Variants in SLC30A8 observed in about 807,000 individuals in gnomAD.
SLC30A8 encodes the protein proton-coupled zinc antiporter SLC30A8.
SLC30A8 carries 27 observed loss-of-function variants against 36.9 expected under a neutral mutation model. The observed-to-expected ratio is 0.73, with a 90% confidence interval of 0.54 to 1.01. The LOEUF is 1.01. SLC30A8 is among the 50% of genes least tolerant of loss of function. The pLI is 0.00. For synonymous variants in SLC30A8, 164 were observed against 172.4 expected (o/e 0.95, Z 0.38); for missense variants, 439 against 452.0 (o/e 0.97, Z 0.26).
At chr8:116,979,259 A>G (rs1385884287) in intron 1 of SLC30A8, among the ~76,000 whole-genome samples, 3 of 151,648 alleles carry the variant, frequency 2.0e-5, no homozygotes, top group Non-Finnish European at 4.4e-5. Flanking sequence ...AAAAAAAAAA[A>G]AAAAAGAAAA....
chr8:117,075,925 G>A (rs540419931), intron 2 of SLC30A8, among the ~76,000 whole-genome samples: 2 of 152,188 alleles, frequency 1.3e-5, no homozygotes, highest in South Asian at 4.2e-4. Context: ...CGGACTACTT[G>A]TAGTTATTCA....
At chr8:117,005,485 T>C (rs551104052) in intron 1 of SLC30A8, among the ~76,000 whole-genome samples, 1 of 152,250 alleles carries the variant, frequency 6.6e-6, no homozygotes, top group Non-Finnish European at 1.5e-5. Context: ...CGTTGGACTT[T>C]TAGGTTGATT....
chr8:117,061,910 A>C (rs1818033103), intron 2 of SLC30A8, among the ~76,000 whole-genome samples: 1 of 152,222 alleles, frequency 6.6e-6, no homozygotes, highest in Non-Finnish European at 1.5e-5. Context: ...ACCAGAAAGA[A>C]CAGCTGAATA....
intron 1 of SLC30A8, among the ~76,000 whole-genome samples, chr8:117,026,242 T>C (rs1446730511): frequency 1.3e-5 from 2 of 152,208 alleles, no homozygotes; most frequent in Non-Finnish European, 2.9e-5. Flanking sequence ...TTCTAATCAT[T>C]GCATGTAATA....
At chr8:117,052,672 C>T (rs1270648629) in intron 2 of SLC30A8, among the ~76,000 whole-genome samples, 9 of 152,176 alleles carry the variant, frequency 5.9e-5, no homozygotes, top group Non-Finnish European at 1.3e-4. Context: ...TCAGCTGGAT[C>T]GTAACCTTGG....
At chr8:117,161,215 A>G (rs1586607313) in intron 4 of SLC30A8, among the ~76,000 whole-genome samples, 1 of 152,256 alleles carries the variant, frequency 6.6e-6, no homozygotes, top group Non-Finnish European at 1.5e-5. Flanking sequence ...ACAGTAAGAA[A>G]TCATTCAAAT....
chr8:117,010,079 G>T (rs1816297974), intron 1 of SLC30A8, among the ~76,000 whole-genome samples: 1 of 152,130 alleles, frequency 6.6e-6, no homozygotes, highest in Non-Finnish European at 1.5e-5. Context: ...CAGAGGGTAA[G>T]CCTAGGGACA....
intron 2 of SLC30A8, among the ~76,000 whole-genome samples, chr8:117,106,280 T>C: frequency 6.6e-6 from 1 of 152,330 alleles, no homozygotes; most frequent in East Asian, 1.9e-4. Context: ...TAATTGTAAT[T>C]AATTTAGGTT....
At chr8:117,170,411 C>T (rs890642175) in intron 6 of SLC30A8, among the ~76,000 whole-genome samples, 4 of 152,078 alleles carry the variant, frequency 2.6e-5, no homozygotes, top group South Asian at 2.1e-4. Flanking sequence ...TCCAATGTAG[C>T]TAAAATAATA....
intron 1 of SLC30A8, among the ~76,000 whole-genome samples, chr8:116,963,696 C>A (rs759992273): frequency 6.6e-6 from 1 of 152,066 alleles, no homozygotes; most frequent in Non-Finnish European, 1.5e-5. Flanking sequence ...TTTTGGCTAT[C>A]GTGAATAGTG....
At chr8:117,001,808 A>G (rs1563742440) in intron 1 of SLC30A8, among the ~76,000 whole-genome samples, 1 of 152,162 alleles carries the variant, frequency 6.6e-6, no homozygotes, top group East Asian at 1.9e-4. Flanking sequence ...CATATTAGCT[A>G]CTATTCAGCA....
intron 2 of SLC30A8, among the ~76,000 whole-genome samples, chr8:117,072,486 C>T (rs1586469428): frequency 1.3e-5 from 2 of 152,102 alleles, no homozygotes; most frequent in East Asian, 3.9e-4. Flanking sequence ...AATGTTTCAT[C>T]CTTAATACCT....
At chr8:117,099,553 A>G (rs191227265) in intron 2 of SLC30A8, among the ~76,000 whole-genome samples, 11 of 152,340 alleles carry the variant, frequency 7.2e-5, no homozygotes, top group African/African-American at 2.6e-4. Flanking sequence ...GGGTCAACCA[A>G]AAAGAAAGAA....
intron 1 of SLC30A8, among the ~76,000 whole-genome samples, chr8:117,037,464 A>G (rs1211529476): frequency 6.6e-6 from 1 of 152,088 alleles, no homozygotes; most frequent in African/African-American, 2.4e-5. Flanking sequence ...TAGGTAGGCA[A>G]TGGGATGAAT....
intron 2 of SLC30A8, among the ~76,000 whole-genome samples, chr8:117,150,525 A>G (rs1431489412): frequency 1.3e-5 from 2 of 152,192 alleles, no homozygotes; most frequent in Non-Finnish European, 2.9e-5. Flanking sequence ...CATCTTGTCA[A>G]GTATTCCAGA....
At chr8:117,007,131 A>G (rs1169131180) in intron 1 of SLC30A8, 1 of 150,836 alleles carries the variant, frequency 6.6e-6, no homozygotes, top group Non-Finnish European at 1.5e-5. Context: ...GAATTCTAAA[A>G]CCTATGCTGT....
At chr8:117,127,366 T>TAAAC (rs1820949633) in intron 2 of SLC30A8, among the ~76,000 whole-genome samples, 1 of 152,032 alleles carries the variant, frequency 6.6e-6, no homozygotes, top group Admixed American at 6.6e-5. Context: ...TGAGTGTTTG[T>TAAAC]AAACACTATG....
At chr8:117,048,465 T>G (rs2130768195) in intron 2 of SLC30A8, among the ~76,000 whole-genome samples, 1 of 152,348 alleles carries the variant, frequency 6.6e-6, no homozygotes, top group South Asian at 2.1e-4. Context: ...TCAAGTGCTT[T>G]AATTGCCATA....
At chr8:117,131,316 G>A (rs764083748), upstream of SLC30A8, among the ~76,000 whole-genome samples, 2 of 151,958 alleles carry the variant, frequency 1.3e-5, no homozygotes, top group African/African-American at 4.8e-5. Context: ...TACTCACACT[G>A]TAGTAATAAC....
Sources: gnomAD v4.1 joint callset for allele counts (sites outside exome capture counted in the v4.1 genomes callset) on GRCh38, gnomAD v4.1.1 for gene constraint, MANE v1.5 for transcripts, NCBI Gene and HGNC (gene_info 2026-07-23, HGNC 2026-07-21) for gene names.